Variants in CSMD1 observed in about 807,000 individuals in gnomAD.
CSMD1 encodes the protein CUB and sushi domain-containing protein 1.
A neutral mutation model predicts 417.5 loss-of-function variants in CSMD1; 213 were observed. The observed-to-expected ratio is 0.51, with a 90% CI of 0.46 to 0.57. The LOEUF (loss-of-function observed/expected upper bound fraction) is 0.57, where lower values mean the gene tolerates loss of function less well. CSMD1 is among the 20% of genes least tolerant of loss of function. The pLI, the probability that CSMD1 is intolerant of heterozygous loss-of-function variation, is 0.00. For missense variants in CSMD1, 6,923 were observed against 4,529.7 expected, an observed-to-expected ratio of 1.53 and a Z score of -15.17; for synonymous variants, 2,862 against 1,736.8, an observed-to-expected ratio of 1.65 and a Z score of -16.11.
intron 26 of CSMD1, among the ~76,000 whole-genome samples, chr8:3,237,074 A>G (rs542911548): frequency 4.5e-4 from 68 of 152,082 alleles, no homozygotes; most frequent in Admixed American, 2.5e-3. Context: ...ACTGTTTCCA[A>G]CAGCAGGATT....
intron 3 of CSMD1, among the ~76,000 whole-genome samples, chr8:4,292,723 A>G (rs1435515713): frequency 6.6e-6 from 1 of 152,188 alleles, no homozygotes; most frequent in Non-Finnish European, 1.5e-5. Context: ...TATAGTCTTA[A>G]TATTAGGCCT....
At chr8:4,491,334 G>C (rs530547529) in intron 2 of CSMD1, among the ~76,000 whole-genome samples, 1 of 152,288 alleles carries the variant, frequency 6.6e-6, no homozygotes, top group East Asian at 1.9e-4. Context: ...AAGGGGACAA[G>C]TCTGGGCGCA....
chr8:4,698,454 T>C (rs1404196724), intron 1 of CSMD1, among the ~76,000 whole-genome samples: 1 of 152,184 alleles, frequency 6.6e-6, no homozygotes, highest in African/African-American at 2.4e-5. Context: ...CAAACTTTCA[T>C]GCTTATGTTC....
At chr8:4,623,763 T>C (rs934536583) in intron 2 of CSMD1, among the ~76,000 whole-genome samples, 2 of 152,004 alleles carry the variant, frequency 1.3e-5, no homozygotes, top group South Asian at 4.1e-4. Context: ...TTCATATAAT[T>C]TGGCATATAT....
At chr8:4,024,111 G>A (rs549122606) in intron 4 of CSMD1, among the ~76,000 whole-genome samples, 3 of 152,112 alleles carry the variant, frequency 2.0e-5, no homozygotes, top group East Asian at 3.9e-4. Flanking sequence ...CTTACTAAAT[G>A]GAAAGACAAG....
At chr8:2,954,901 CA>C (rs1457310355) in intron 64 of CSMD1, among the ~76,000 whole-genome samples, 5 of 152,180 alleles carry the variant, frequency 3.3e-5, no homozygotes, top group African/African-American at 1.2e-4. Flanking sequence ...CTCCAGGAAA[CA>C]AAACCTAAAG....
intron 20 of CSMD1, among the ~76,000 whole-genome samples, chr8:3,359,563 C>G (rs1300993959): frequency 6.9e-6 from 1 of 145,836 alleles, no homozygotes; most frequent in Non-Finnish European, 1.5e-5. Flanking sequence ...TAAGAATTGA[C>G]AGGTAAGAAT....
chr8:3,845,101 G>A (rs558467945), intron 5 of CSMD1, among the ~76,000 whole-genome samples: 1 of 152,278 alleles, frequency 6.6e-6, no homozygotes, highest in East Asian at 1.9e-4. Context: ...ATATTTAGAA[G>A]CAAGAAGTAT....
At chr8:4,761,912 A>ACCT (rs1812126573) in intron 1 of CSMD1, among the ~76,000 whole-genome samples, 57 of 101,312 alleles carry the variant, frequency 5.6e-4, no homozygotes, top group East Asian at 2.1e-3. Flanking sequence ...TCTATCTATC[A>ACCT]ATCTATCTAT....
intron 3 of CSMD1, among the ~76,000 whole-genome samples, chr8:4,370,828 A>C (rs564783587): frequency 6.6e-6 from 1 of 152,080 alleles, no homozygotes; most frequent in Non-Finnish European, 1.5e-5. Context: ...CAACTCTTAG[A>C]TCATTTTATT....
At chr8:4,152,137 G>A (rs998871517) in intron 3 of CSMD1, among the ~76,000 whole-genome samples, 1 of 152,014 alleles carries the variant, frequency 6.6e-6, no homozygotes, top group African/African-American at 2.4e-5. Context: ...AAATATCAAC[G>A]ATAATTGTTT....
intron 3 of CSMD1, among the ~76,000 whole-genome samples, chr8:4,095,004 T>C (rs755590275): frequency 1.8e-4 from 28 of 152,162 alleles, no homozygotes; most frequent in Admixed American, 1.3e-4. Context: ...GGACTAGAAA[T>C]GGAGAGACCA....
chr8:4,222,910 G>C (rs1801126064), intron 3 of CSMD1, among the ~76,000 whole-genome samples: 2 of 152,084 alleles, frequency 1.3e-5, no homozygotes, highest in Non-Finnish European at 2.9e-5. Flanking sequence ...TGAAAGTTAT[G>C]CAAAGCGTTT....
intron 1 of CSMD1, among the ~76,000 whole-genome samples, chr8:4,718,689 A>G (rs114705522): frequency 2.1e-3 from 324 of 152,260 alleles, no homozygotes; most frequent in African/African-American, 7.1e-3. Context: ...AAAGAATTCA[A>G]TAGGTGACAG....
intron 5 of CSMD1, among the ~76,000 whole-genome samples, chr8:3,786,539 G>A (rs567415919): frequency 1.3e-5 from 2 of 152,310 alleles, no homozygotes; most frequent in East Asian, 1.9e-4. Context: ...CAGCTCCCGA[G>A]TAATCATGCA....
chr8:4,011,357 C>T (rs541586694), intron 4 of CSMD1, among the ~76,000 whole-genome samples: 14 of 152,326 alleles, frequency 9.2e-5, no homozygotes, highest in Admixed American at 9.2e-4. Flanking sequence ...ATGTTATAGA[C>T]TTTTCTTTTG....
intron 25 of CSMD1, among the ~76,000 whole-genome samples, chr8:3,304,591 C>G (rs73171138): frequency 0.048 from 7,254 of 152,090 alleles, 221 homozygotes; most frequent in Non-Finnish European, 0.073. Context: ...GAAGTTTATG[C>G]TTTAAATTTA....
intron 1 of CSMD1, among the ~76,000 whole-genome samples, chr8:4,911,058 C>CT (rs1805637193): frequency 6.6e-6 from 1 of 152,180 alleles, no homozygotes; most frequent in South Asian, 2.1e-4. Context: ...CTTGCTCCTC[C>CT]TTGCCTTCCA....
intron 2 of CSMD1, among the ~76,000 whole-genome samples, chr8:4,426,045 A>G (rs1797533289): frequency 6.6e-6 from 1 of 151,878 alleles, no homozygotes; most frequent in Non-Finnish European, 1.5e-5. Context: ...GGATTATGAA[A>G]TTTTACTGAA....
Sources: allele counts gnomAD v4.1 joint callset (sites outside exome capture counted in the v4.1 genomes callset), GRCh38; gene constraint gnomAD v4.1.1; transcripts MANE v1.5; gene names NCBI Gene and HGNC (gene_info 2026-07-23, HGNC 2026-07-21).